CADM1: variants seen among roughly 807,000 people sequenced by gnomAD.
CADM1 encodes the protein cell adhesion molecule 1, also known as TSLC-1.
A neutral mutation model predicts 53.1 loss-of-function variants in CADM1; 15 were observed. That is an observed-to-expected ratio of 0.28 (90% CI 0.19 to 0.44). The LOEUF is 0.44. Ranked by LOEUF, CADM1 falls within the 20% of genes least tolerant of loss-of-function variation. The pLI is 1.00. For missense variants in CADM1, 434 were observed against 611.3 expected (o/e 0.71, Z 3.06); for synonymous variants, 281 against 243.0 (o/e 1.16, Z -1.45).
chr11:115,307,748 C>T (rs1944416135), intron 1 of CADM1, among the ~76,000 whole-genome samples: 1 of 151,752 alleles, frequency 6.6e-6, no homozygotes, highest in African/African-American at 2.4e-5. Context: ...AGAGGATTAC[C>T]TTTCACAATA....
intron 1 of CADM1, among the ~76,000 whole-genome samples, chr11:115,482,935 T>C (rs1949290249): frequency 6.6e-6 from 1 of 152,226 alleles, no homozygotes; most frequent in South Asian, 2.1e-4. Context: ...TCAGTTTTGT[T>C]AGTTATTAGG....
chr11:115,231,528 G>C, intron 3 of CADM1, 38 bp from the exon 4 acceptor site: 4 of 1,597,500 alleles, frequency 2.5e-6, no homozygotes, highest in Non-Finnish European at 2.6e-6. Context: ...AACACAGAAT[G>C]CATTTTTGCA....
At chr11:115,490,722 A>C (rs950225539) in intron 1 of CADM1, among the ~76,000 whole-genome samples, 5 of 152,076 alleles carry the variant, frequency 3.3e-5, no homozygotes, top group African/African-American at 1.2e-4. Flanking sequence ...GTTCAGTTTT[A>C]GACGTCTTGA....
chr11:115,465,764 G>A (rs1160910716), intron 1 of CADM1, among the ~76,000 whole-genome samples: 2 of 148,154 alleles, frequency 1.3e-5, no homozygotes, highest in African/African-American at 2.4e-5. Context: ...ATTCAATTTT[G>A]ATGAAACAGC....
At chr11:115,229,535 G>A (rs1941743999) in intron 4 of CADM1, among the ~76,000 whole-genome samples, 1 of 152,112 alleles carries the variant, frequency 6.6e-6, no homozygotes, top group South Asian at 2.1e-4. Flanking sequence ...AATATATTAT[G>A]TATGGTTTTT....
intron 8 of CADM1, among the ~76,000 whole-genome samples, chr11:115,205,932 C>T (rs772301055): frequency 1.1e-4 from 17 of 152,170 alleles, no homozygotes; most frequent in Non-Finnish European, 2.4e-4. Flanking sequence ...CCTTGACTTT[C>T]GATGGGGCTA....
intron 1 of CADM1, among the ~76,000 whole-genome samples, chr11:115,484,241 G>A (rs748419482): frequency 6.6e-6 from 1 of 152,190 alleles, no homozygotes; most frequent in Non-Finnish European, 1.5e-5. Flanking sequence ...CAGTCTTTCT[G>A]GATGTCGTAC....
At chr11:115,246,541 C>G (rs935568832) in intron 1 of CADM1, among the ~76,000 whole-genome samples, 1 of 152,122 alleles carries the variant, frequency 6.6e-6, no homozygotes, top group African/African-American at 2.4e-5. Context: ...GAGATCAACT[C>G]TCTCACTTTA....
chr11:115,329,890 A>G (rs1301792705), intron 1 of CADM1, among the ~76,000 whole-genome samples: 1 of 151,036 alleles, frequency 6.6e-6, no homozygotes, highest in African/African-American at 2.4e-5. Context: ...CTCTCCAGCT[A>G]TCCCCAGCTG....
At chr11:115,301,974 G>A (rs1206333239) in intron 1 of CADM1, among the ~76,000 whole-genome samples, 2 of 151,920 alleles carry the variant, frequency 1.3e-5, no homozygotes, top group Non-Finnish European at 2.9e-5. Flanking sequence ...GTATAATTTT[G>A]AAAATGAAAT....
At chr11:115,458,994 A>C (rs1948738314) in intron 1 of CADM1, among the ~76,000 whole-genome samples, 1 of 152,198 alleles carries the variant, frequency 6.6e-6, no homozygotes, top group Non-Finnish European at 1.5e-5. Context: ...CTCATCATGT[A>C]AACAAAGAAA....
intron 1 of CADM1, among the ~76,000 whole-genome samples, chr11:115,282,989 C>T (rs1320930683): frequency 6.6e-6 from 1 of 152,132 alleles, no homozygotes; most frequent in Non-Finnish European, 1.5e-5. Context: ...TCTTTAGCCT[C>T]TCTGTGGGCT....
chr11:115,364,135 CAT>C (rs1946098252), intron 1 of CADM1, among the ~76,000 whole-genome samples: 1 of 152,166 alleles, frequency 6.6e-6, no homozygotes, highest in African/African-American at 2.4e-5. Context: ...TGAAGCAACA[CAT>C]GACTGTATAT....
rs559643439 is a variant in CADM1 at position 115,277,103 on chromosome 11, G to A, written c.125-36683C>T. ...TAGCCAAAAGCCAGCTTGAGTAGACGGGAACATATTGCTGACCAGCAACAC... is the reference window on the plus strand; with the variant it reads ...TAGCCAAAAGCCAGCTTGAGTAGACAGGAACATATTGCTGACCAGCAACAC... On this transcript the variant is annotated intron_variant, in intron 1 of 11. Coordinates refer to ENST00000331581, the MANE Select transcript of CADM1 (RefSeq NM_001301043.2). 9.5e-4 allele frequency among the ~76,000 whole-genome samples: 144 copies of A among 152,300 alleles called. 2 individuals are homozygous for A. The highest frequency in any genetic ancestry group is 3.3e-3 in the African/African-American group (139 of 41,564).
At chr11:115,497,429 T>A (rs1949643674) in intron 1 of CADM1, among the ~76,000 whole-genome samples, 1 of 152,206 alleles carries the variant, frequency 6.6e-6, no homozygotes, top group Non-Finnish European at 1.5e-5. Flanking sequence ...ACACCAAGTT[T>A]CTTTTGAGTA....
In CADM1 at chr11:115,492,451, A is replaced by C. The variant is rs188325523; in HGVS notation, c.124+11820T>G. 1.4e-4 allele frequency among the ~76,000 whole-genome samples: 22 copies of C among 152,340 alleles called. No individual in the cohort carries two copies. In the East Asian group the frequency reaches 3.5e-3, roughly 24 times the overall value. On this transcript the variant is annotated intron_variant, in intron 1 of 11. Coordinates refer to ENST00000331581, the MANE Select transcript of CADM1 (RefSeq NM_001301043.2). ...TTATAAATCAACAATGATAGGAAAG[A>C]AATTAAAACAAAATATAAACAGAAA... is the stretch of plus-strand genomic sequence containing the variant.
chr11:115,307,317 T>G (rs1302315336), intron 1 of CADM1, among the ~76,000 whole-genome samples: 1 of 151,814 alleles, frequency 6.6e-6, no homozygotes, highest in Non-Finnish European at 1.5e-5. Flanking sequence ...ACTTGAAAAG[T>G]TTAAATGTCC....
At chr11:115,390,149 GA>G (rs1946798941) in intron 1 of CADM1, among the ~76,000 whole-genome samples, 1 of 152,080 alleles carries the variant, frequency 6.6e-6, no homozygotes, top group African/African-American at 2.4e-5. Flanking sequence ...TGTCACAGGA[GA>G]AAAAAGGAAA....
At chr11:115,219,402 AAAC>A (rs1197495231) in intron 5 of CADM1, among the ~76,000 whole-genome samples, 2 of 152,188 alleles carry the variant, frequency 1.3e-5, no homozygotes, top group Non-Finnish European at 2.9e-5. Flanking sequence ...ATGGCATTCA[AAAC>A]CTTTTAAGAG....
Sources: allele counts gnomAD v4.1 joint callset (sites outside exome capture counted in the v4.1 genomes callset), GRCh38; gene constraint gnomAD v4.1.1; transcripts MANE v1.5; gene names NCBI Gene and HGNC (gene_info 2026-07-23, HGNC 2026-07-21).